Variants in SLC15A3 observed in about 807,000 individuals in gnomAD.
The protein encoded by SLC15A3 is osteoclast transporter.
Under a neutral mutation model 49.2 loss-of-function variants are expected in SLC15A3, and 39 were observed. The observed-to-expected ratio is 0.79, with a 90% confidence interval of 0.61 to 1.04. The LOEUF is 1.04. Ranked by LOEUF, SLC15A3 falls within the 50% of genes least tolerant of loss-of-function variation. The probability of loss-of-function intolerance (pLI) is 0.00; values close to 1 mark genes in which losing one functional copy is unlikely to be tolerated. For synonymous variants in SLC15A3, 339 were observed against 367.0 expected (o/e 0.92, Z 0.87); for missense variants, 758 against 794.8 (o/e 0.95, Z 0.56).
At position 60,946,686 on chromosome 11, in the gene SLC15A3, T is replaced by A; in HGVS notation, c.694A>T (p.Ile232Phe). 2 of 1,614,220 alleles carry A rather than the reference T, an allele frequency of 1.2e-6. No individual in the cohort carries two copies. Among genetic ancestry groups the A allele is most frequent in the Non-Finnish European group, 1.7e-6 (2 of 1,180,034 alleles). Reference protein sequence around the residue: ...QNISFLLGYSIPVGCVGLAFF... With the variant: ...QNISFLLGYSFPVGCVGLAFF... Reference sequence around the variant, plus strand: ...GCCAGGCCCACACAGCCCACAGGGATGCTGTAGCCCAGCAGGAAGCTGATG... The same window carrying A: ...GCCAGGCCCACACAGCCCACAGGGAAGCTGTAGCCCAGCAGGAAGCTGATG... Residue 232 changes from isoleucine (I) to phenylalanine (F), a missense_variant, in exon 2 of 8, where the codon ATC (isoleucine) becomes TTC (phenylalanine). Coordinates refer to ENST00000227880, the MANE Select transcript of SLC15A3 (RefSeq NM_016582.3).
intron 7 of SLC15A3, 176 bp from the exon 8 acceptor site, chr11:60,937,549 T>C (rs768908830): frequency 1.2e-6 from 1 of 837,658 alleles, no homozygotes; most frequent in Non-Finnish European, 2.0e-6. Flanking sequence ...TCCAGGGGTG[T>C]CTACAATTCC....
rs369072403 is a variant in SLC15A3 at position 60,943,695 on chromosome 11, G to C, written c.990C>G (p.Tyr330Ter). The C allele has an allele frequency of 3.0e-5, 47 of 1,574,628 alleles. No individual in the cohort carries two copies. Among genetic ancestry groups the C allele is most frequent in the Non-Finnish European group, 3.8e-5 (44 of 1,157,858 alleles). ...AAAGGGCAGGTATGCTCACCTGGAA[G>C]TAGACCATCCAGTAGGGCACCAGGG... ...MVTLVPYWMV[Y>*]FQMQSTYVLQ... is the part of the protein sequence containing the mutation. The change falls in exon 3 of 8, where the codon TAC becomes TAG. Residue 330 changes from tyrosine (Y) to a stop codon, truncating the protein, a stop_gained. Transcript: ENST00000227880. LOFTEE classifies it high-confidence loss of function.
intron 2 of SLC15A3, among the ~76,000 whole-genome samples, chr11:60,945,486 CA>C (rs1449908368): frequency 6.6e-6 from 1 of 152,208 alleles, no homozygotes; most frequent in Non-Finnish European, 1.5e-5. Flanking sequence ...GTTTGTTAGG[CA>C]GCGATAGGTA....
At chr11:60,937,437 G>T (rs1164395216) in intron 7 of SLC15A3, 64 bp from the exon 8 acceptor site, 4 of 1,600,630 alleles carry the variant, frequency 2.5e-6, no homozygotes, top group African/African-American at 2.7e-5. Flanking sequence ...CCCTGTGCCT[G>T]CCGTGTCCTA....
chr11:60,940,146 T>C (rs778399493), intron 5 of SLC15A3: 92 of 160,882 alleles, frequency 5.7e-4, no homozygotes, highest in Non-Finnish European at 1.1e-4. Flanking sequence ...CAAGTTTAAC[T>C]ATGTTATCTC....
intron 2 of SLC15A3, among the ~76,000 whole-genome samples, chr11:60,944,111 A>T (rs1294724556): frequency 6.6e-6 from 1 of 152,188 alleles, no homozygotes; most frequent in Non-Finnish European, 1.5e-5. Context: ...GTGAGCCAAG[A>T]CTGTGCCACT....
At position 60,939,504 on chromosome 11, in the gene SLC15A3, T is replaced by C. The variant is rs377527454; in HGVS notation, c.1411A>G (p.Ser471Gly). ...QIPQYLLIGI[S>G]EIFASIPGLE... ...CCTGGGATGCTGGCAAAGATCTCAC[T>C]GATCCCAATGAGCAGGTACTGAGGG... The change falls in exon 6 of 8, where the codon AGT (serine) becomes GGT (glycine). Residue 471 changes from serine to glycine, a missense_variant. Ser to Gly is a moderately conservative substitution (Grantham distance 56, BLOSUM62 0). Around this residue, in one of 3 missense-constraint regions of SLC15A3, gnomAD observed 699 missense variants for 706.7 expected, o/e 0.99. Coordinates refer to ENST00000227880, the MANE Select transcript of SLC15A3 (RefSeq NM_016582.3). 14 of 1,614,154 alleles carry C rather than the reference T, an allele frequency of 8.7e-6. No individual in the cohort carries two copies. The highest frequency in any genetic ancestry group is 1.0e-5 in the Non-Finnish European group (12 of 1,180,012).
intron 1 of SLC15A3, among the ~76,000 whole-genome samples, chr11:60,949,422 GAAGGAAAGAAAGA>G (rs1856856561): frequency 2.4e-5 from 2 of 82,252 alleles, no homozygotes; most frequent in Non-Finnish European, 3.2e-5. Context: ...AAGAAAGAAA[GAAGGAAAGAAAGA>G]AAGAAAGAAA....
rs1233644170 is a variant in SLC15A3, at chr11:60,951,318, T to C, written c.234A>G (p.Val78=). 3.3e-6 allele frequency: 5 copies of C among 1,531,840 alleles called. No homozygotes were observed. The Admixed American group carries it at 1.0e-4, about 31-fold the overall frequency. The allele number at this position is 1,531,840 out of a possible 1,614,324, so 94.9% of individuals were successfully genotyped here. A position where few individuals can be genotyped will look rare whatever the true frequency, so the allele number is the denominator to read the frequency against. ...CCAGCAGGTAGGAGGCGCCCAGGAA[T>C]ACCAGCGCGGCGCGCGTCGCCTGCT... ...TGEQATRAAL[V]FLGASYLLAP... The change falls in exon 1 of 8, where the codon GTA becomes GTG. Residue 78 remains valine (V), a synonymous_variant. Coordinates refer to ENST00000227880, the MANE Select transcript of SLC15A3 (RefSeq NM_016582.3).
chr11:60,942,937 AT>A (rs1294059743), intron 3 of SLC15A3: 2 of 118,934 alleles, frequency 1.7e-5, no homozygotes, highest in Non-Finnish European at 3.4e-5. Context: ...CCACCCTCCT[AT>A]CACACACACA....
intron 4 of SLC15A3, 168 bp from the exon 5 acceptor site, chr11:60,941,458 G>C: frequency 3.3e-6 from 2 of 613,366 alleles, no homozygotes; most frequent in Non-Finnish European, 5.5e-6. Context: ...GGATTATGTA[G>C]AGATGGCAAA....
intron 1 of SLC15A3, among the ~76,000 whole-genome samples, chr11:60,947,437 C>T (rs1856820745): frequency 6.6e-6 from 1 of 152,202 alleles, no homozygotes; most frequent in Admixed American, 6.5e-5. Context: ...CCTCGGCCTC[C>T]CAAAGTTCTG....
intron 5 of SLC15A3, chr11:60,940,620 G>A (rs1369854821): frequency 6.6e-6 from 1 of 152,382 alleles, no homozygotes; most frequent in South Asian, 2.1e-4. Context: ...GGGTCATAAA[G>A]TTACTAAGTA....
chr11:60,946,926 T>C, intron 1 of SLC15A3, 105 bp from the exon 2 acceptor site: 1 of 1,299,498 alleles, frequency 7.7e-7, no homozygotes, highest in Admixed American at 2.4e-5. Context: ...CAGTGGGTGG[T>C]GGGCGTTCCG....
At chr11:60,942,857 C>T (rs1856735417) in intron 3 of SLC15A3, 3 of 152,360 alleles carry the variant, frequency 2.0e-5, no homozygotes, top group African/African-American at 7.2e-5. Flanking sequence ...GGAGCTCCAA[C>T]AAATGTTCCT....
At chr11:60,937,729 C>G in intron 7 of SLC15A3, 141 bp downstream of exon 7, 1 of 1,191,318 alleles carries the variant, frequency 8.4e-7, no homozygotes, top group Non-Finnish European at 1.2e-6. Flanking sequence ...GGTGACTGGC[C>G]AAGCCCGGGC....
intron 1 of SLC15A3, 131 bp downstream of exon 1, chr11:60,950,863 C>T: frequency 1.0e-6 from 1 of 981,318 alleles, no homozygotes; most frequent in Non-Finnish European, 1.4e-6. Context: ...CAAGGGCTAG[C>T]CCCCCTCTTC....
chr11:60,946,260 C>T (rs1419135378), intron 2 of SLC15A3, among the ~76,000 whole-genome samples: 1 of 152,154 alleles, frequency 6.6e-6, no homozygotes, highest in Non-Finnish European at 1.5e-5. Flanking sequence ...TCCCAAAGTG[C>T]TGGAATTAGA....
Position 60,937,165 on chromosome 11 carries a change from G to A in SLC15A3, c.*54C>T. On this transcript the variant is annotated 3_prime_UTR_variant, in exon 8 of 8. Coordinates refer to ENST00000227880, the MANE Select transcript of SLC15A3 (RefSeq NM_016582.3). ...AAACCGAGAAGGAAACCAGAGCTGGGACTGCTGCCGTCTGTCCGGTAGAGT... is the reference window on the plus strand; with the variant it reads ...AAACCGAGAAGGAAACCAGAGCTGGAACTGCTGCCGTCTGTCCGGTAGAGT... The A allele has an allele frequency of 6.4e-7, 1 of 1,571,212 alleles. No homozygotes were observed.
Sources: gnomAD v4.1 joint callset for allele counts (sites outside exome capture counted in the v4.1 genomes callset) on GRCh38, gnomAD v4.1.1 for gene constraint, gnomAD v4.1.1 regional missense constraint, MANE v1.5 for transcripts, NCBI Gene and HGNC (gene_info 2026-07-23, HGNC 2026-07-21) for gene names.